The following PARD3 variants were observed in gnomAD, a reference collection of about 807,000 sequenced individuals.
PARD3 encodes partitioning defective 3 homolog.
PARD3 carries 75 observed loss-of-function variants against 155.4 expected under a neutral mutation model. That is an observed-to-expected ratio of 0.48 (90% CI 0.40 to 0.58). The LOEUF (loss-of-function observed/expected upper bound fraction) is 0.58. Ranked by LOEUF, PARD3 falls within the 20% of genes least tolerant of loss-of-function variation. The pLI is 0.00. For synonymous variants in PARD3, 576 were observed against 610.5 expected (o/e 0.94, Z 0.83); for missense variants, 1,642 against 1,721.7 (o/e 0.95, Z 0.82).
chr10:34,226,844 T>A (rs1284068833), intron 22 of PARD3, among the ~76,000 whole-genome samples: 2 of 152,176 alleles, frequency 1.3e-5, no homozygotes, highest in African/African-American at 4.8e-5. Flanking sequence ...AAAAGTAGTA[T>A]ATCTTATAAT....
At chr10:34,679,688 T>C (rs919638811) in intron 2 of PARD3, among the ~76,000 whole-genome samples, 4 of 152,128 alleles carry the variant, frequency 2.6e-5, no homozygotes, top group Admixed American at 2.0e-4. Flanking sequence ...TTTTATACCC[T>C]TTCAAAAGGC....
At chr10:34,336,428 A>G in intron 17 of PARD3, 185 bp from the exon 18 acceptor site, 1 of 542,742 alleles carries the variant, frequency 1.8e-6, no homozygotes, top group Non-Finnish European at 3.3e-6. Context: ...TCTCCATGCA[A>G]TATGCCAGTC....
chr10:34,751,799 G>A (rs1836074697), intron 1 of PARD3, among the ~76,000 whole-genome samples: 1 of 148,666 alleles, frequency 6.7e-6, no homozygotes, highest in Non-Finnish European at 1.5e-5. Context: ...ATAGAGATGA[G>A]GTCTTGCTAT....
At chr10:34,448,629 C>G (rs903145598) in intron 5 of PARD3, among the ~76,000 whole-genome samples, 1 of 151,972 alleles carries the variant, frequency 6.6e-6, no homozygotes. Context: ...GGGAGACCGT[C>G]TCCACAAAAT....
intron 22 of PARD3, among the ~76,000 whole-genome samples, chr10:34,181,823 C>T (rs867940852): frequency 8.6e-5 from 13 of 152,000 alleles, no homozygotes; most frequent in East Asian, 5.8e-4. Flanking sequence ...AAATCGCTAC[C>T]GACAGTGCAT....
intron 22 of PARD3, among the ~76,000 whole-genome samples, chr10:34,210,933 C>T (rs917531035): frequency 6.6e-6 from 1 of 152,128 alleles, no homozygotes; most frequent in Non-Finnish European, 1.5e-5. Context: ...TGTTTTTCAC[C>T]TGTTCAGGTG....
intron 22 of PARD3, among the ~76,000 whole-genome samples, chr10:34,150,534 G>T (rs1392228181): frequency 6.6e-6 from 1 of 152,268 alleles, no homozygotes; most frequent in African/African-American, 2.4e-5. Context: ...TCATGAAGTC[G>T]GGATCTCGTG....
intron 1 of PARD3, among the ~76,000 whole-genome samples, chr10:34,772,149 G>A (rs975652889): frequency 2.6e-5 from 4 of 152,250 alleles, no homozygotes; most frequent in Admixed American, 1.3e-4. Flanking sequence ...CTCACTGGGC[G>A]TGGTGGCTCA....
intron 2 of PARD3, among the ~76,000 whole-genome samples, chr10:34,568,284 A>G (rs1013076226): frequency 6.6e-6 from 1 of 152,240 alleles, no homozygotes; most frequent in Admixed American, 6.5e-5. Flanking sequence ...GTTTGCCACC[A>G]TAATGATCAC....
intron 4 of PARD3, among the ~76,000 whole-genome samples, chr10:34,462,953 A>C (rs542329397): frequency 6.4e-4 from 52 of 81,404 alleles, no homozygotes; most frequent in Non-Finnish European, 1.1e-3. Flanking sequence ...GAGAGGGAAG[A>C]GAAGGGGGGA....
intron 19 of PARD3, among the ~76,000 whole-genome samples, chr10:34,325,977 T>C (rs1834983708): frequency 6.6e-6 from 1 of 151,830 alleles, no homozygotes; most frequent in Non-Finnish European, 1.5e-5. Flanking sequence ...AAAAATCACT[T>C]GGGCATGGTG....
At chr10:34,218,996 A>G (rs1465118797) in intron 22 of PARD3, among the ~76,000 whole-genome samples, 1 of 152,222 alleles carries the variant, frequency 6.6e-6, no homozygotes, top group Non-Finnish European at 1.5e-5. Context: ...GATGGGCCAA[A>G]AGTAGCCATA....
intron 6 of PARD3, 52 bp downstream of exon 6, chr10:34,401,774 T>G: frequency 9.0e-7 from 1 of 1,106,148 alleles, no homozygotes; most frequent in Middle Eastern, 2.0e-4. Context: ...TTGCTGCAAT[T>G]AATGATGCTA....
At chr10:34,542,943 T>TTC (rs1199145220) in intron 2 of PARD3, among the ~76,000 whole-genome samples, 1 of 152,164 alleles carries the variant, frequency 6.6e-6, no homozygotes, top group Non-Finnish European at 1.5e-5. Context: ...GATAAGACAA[T>TTC]TCTCACTCAG....
intron 24 of PARD3, among the ~76,000 whole-genome samples, chr10:34,117,111 T>A (rs547444133): frequency 2.0e-4 from 30 of 152,270 alleles, no homozygotes; most frequent in African/African-American, 7.2e-4. Flanking sequence ...CTGCCCTGCC[T>A]TCCCGGCCCG....
intron 5 of PARD3, among the ~76,000 whole-genome samples, chr10:34,409,343 G>A (rs1180636037): frequency 6.6e-6 from 1 of 151,986 alleles, no homozygotes; most frequent in Non-Finnish European, 1.5e-5. Context: ...TGATTATTAG[G>A]ATTCCAGAGC....
At chr10:34,736,653 AATTTATTT>A (rs71033344) in intron 1 of PARD3, among the ~76,000 whole-genome samples, 12 of 146,348 alleles carry the variant, frequency 8.2e-5, no homozygotes, top group South Asian at 4.2e-4. Flanking sequence ...TTAATTAATT[AATTTATTT>A]ATTTATTTAT....
chr10:34,504,429 T>A (rs1471081089), intron 3 of PARD3, among the ~76,000 whole-genome samples: 13 of 132,654 alleles, frequency 9.8e-5, no homozygotes, highest in African/African-American at 1.1e-4. Flanking sequence ...TCCCCAAGAT[T>A]AAAAAAAAAA....
intron 20 of PARD3, among the ~76,000 whole-genome samples, chr10:34,297,808 C>A (rs1956976919): frequency 6.6e-6 from 1 of 152,226 alleles, no homozygotes; most frequent in Non-Finnish European, 1.5e-5. Flanking sequence ...AAGCTGCTCA[C>A]CCAACATCCA....
Sources: allele counts gnomAD v4.1 joint callset (sites outside exome capture counted in the v4.1 genomes callset), GRCh38; gene constraint gnomAD v4.1.1; transcripts MANE v1.5; gene names NCBI Gene and HGNC (gene_info 2026-07-23, HGNC 2026-07-21).